The following TRPV4 variants were observed in gnomAD, a reference collection of about 807,000 sequenced individuals.
TRPV4 encodes transient receptor potential cation channel subfamily V member 4.
A neutral mutation model predicts 84.1 loss-of-function variants in TRPV4; 58 were observed. The observed-to-expected ratio is 0.69, with a 90% CI of 0.56 to 0.86. The LOEUF (loss-of-function observed/expected upper bound fraction) is 0.86. TRPV4 is among the 40% of genes least tolerant of loss of function. The pLI is 0.00. For synonymous variants in TRPV4, 489 were observed against 500.9 expected (o/e 0.98, Z 0.32); for missense variants, 879 against 1,181.1 (o/e 0.74, Z 3.75).
chr12:109,787,296 G>A (rs1448793545), intron 13 of TRPV4, among the ~76,000 whole-genome samples: 1 of 152,106 alleles, frequency 6.6e-6, no homozygotes, highest in Non-Finnish European at 1.5e-5. Context: ...TTTTGTTGTT[G>A]TTGTTGTTTT....
At chr12:109,792,257 A>C in intron 12 of TRPV4, 106 bp downstream of exon 12, 3 of 871,006 alleles carry the variant, frequency 3.4e-6, no homozygotes, top group Non-Finnish European at 5.2e-6. Flanking sequence ...AAAAAAAAAA[A>C]AAAAAAAAGA....
intron 14 of TRPV4, among the ~76,000 whole-genome samples, chr12:109,784,831 A>T (rs1249353726): frequency 1.1e-5 from 1 of 94,402 alleles, no homozygotes; most frequent in African/African-American, 4.6e-5. Context: ...ACAAAGCAAG[A>T]CTCCATCTCA....
chr12:109,794,556 G>A, intron 7 of TRPV4, 69 bp from the exon 8 acceptor site: 3 of 1,549,858 alleles, frequency 1.9e-6, no homozygotes, highest in Admixed American at 1.7e-5. Context: ...GGCTGCCTCG[G>A]GTGTGCCTTC....
intron 7 of TRPV4, 48 bp from the exon 8 acceptor site, chr12:109,794,535 G>C (rs1403798809): frequency 1.9e-6 from 3 of 1,608,630 alleles, no homozygotes; most frequent in Non-Finnish European, 2.5e-6. Flanking sequence ...GATGGGTGGG[G>C]GGTCCAGGCA....
rs115062246 is a variant in TRPV4 at position 109,807,828 on chromosome 12, G to A, written c.559+468C>T. ...CCAAGAAGTAGAATCAGGACTACCA[G>A]CCCAGACACCTGCCCATCCCTCCAG... On this transcript the variant is annotated intron_variant, in intron 3 of 15. Transcript: ENST00000261740. Among the ~76,000 whole-genome samples, 1,153 of 152,234 alleles carry A rather than the reference G, an allele frequency of 7.6e-3. 12 individuals carry two copies. The highest frequency in any genetic ancestry group is 0.027 in the African/African-American group (1,104 of 41,530).
chr12:109,794,229 G>T lies in TRPV4; in HGVS notation c.1491+100C>A, dbSNP rs59940634. The T allele has an allele frequency of 0.08, 119,496 of 1,489,918 alleles. 5,481 individuals are homozygous for T. The highest frequency in any genetic ancestry group is 0.18 in the Middle Eastern group (911 of 5,096). 92.3% of individuals were successfully genotyped at this position (1,489,918 alleles called of 1,614,324 possible). ...CAACCTGTTCCTAAACCTTCTCCGGGTCCCCCTACAGGGGACCCAGAAGGA... is the reference window on the plus strand; with the variant it reads ...CAACCTGTTCCTAAACCTTCTCCGGTTCCCCCTACAGGGGACCCAGAAGGA... On this transcript the variant is annotated intron_variant, in intron 8 of 15. Transcript: ENST00000261740.
intron 8 of TRPV4, 107 bp downstream of exon 8, chr12:109,794,219 CCTT>C: frequency 1.4e-6 from 2 of 1,455,252 alleles, no homozygotes; most frequent in South Asian, 2.3e-5. Flanking sequence ...TGTTCCTAAA[CCTT>C]CTCCGGGTCC....
rs1047264833 is a variant in TRPV4, at chr12:109,784,398, C to G, written c.2376G>C (p.Leu792Phe). Residue 792 changes from leucine (L) to phenylalanine (F), a missense_variant, in exon 15 of 16, where the codon TTG (leucine) becomes TTC (phenylalanine). Physicochemically the swap from Leu to Phe is conservative, Grantham distance 22 (BLOSUM62 0). Around this residue, in one of 4 missense-constraint regions of TRPV4, gnomAD observed 242 missense variants for 355.3 expected, o/e 0.68. Coordinates refer to ENST00000261740, the MANE Select transcript of TRPV4 (RefSeq NM_021625.5). ...EVNWSHWNQN[L>F]GIINEDPGKN... ...TGCCCGGGTCCTCGTTGATGATGCC[C>G]AAGTTCTGGTTCCAGTGAGACCAGT... 1 of 1,614,046 alleles carries G rather than the reference C, an allele frequency of 6.2e-7. No individual in the cohort carries two copies.
intron 5 of TRPV4, among the ~76,000 whole-genome samples, chr12:109,799,414 G>C (rs1890634970): frequency 6.6e-6 from 1 of 152,242 alleles, no homozygotes; most frequent in African/African-American, 2.4e-5. Flanking sequence ...CTCCCAAAGT[G>C]CTGGGATTAC....
chr12:109,826,260 G>A (rs1892248809), intron 1 of TRPV4, among the ~76,000 whole-genome samples: 1 of 152,172 alleles, frequency 6.6e-6, no homozygotes, highest in Admixed American at 6.5e-5. Context: ...CCGGGCTCAC[G>A]TGATCCACAC....
intron 14 of TRPV4, among the ~76,000 whole-genome samples, chr12:109,785,566 A>C (rs139794830): frequency 6.6e-6 from 1 of 151,768 alleles, no homozygotes; most frequent in Non-Finnish European, 1.5e-5. Context: ...TTACAGGTGC[A>C]TGCCACCACT....
At chr12:109,816,211 G>A (rs976258089) in intron 1 of TRPV4, among the ~76,000 whole-genome samples, 4 of 152,216 alleles carry the variant, frequency 2.6e-5, no homozygotes, top group South Asian at 4.1e-4. Flanking sequence ...CTTAGTGGGC[G>A]CAGCAGGACA....
chr12:109,809,485 A>G (rs1380921200), intron 2 of TRPV4, among the ~76,000 whole-genome samples: 1 of 140,208 alleles, frequency 7.1e-6, no homozygotes, highest in Non-Finnish European at 1.5e-5. Flanking sequence ...TCATCCATTC[A>G]TCTACCCATC....
intron 12 of TRPV4, among the ~76,000 whole-genome samples, chr12:109,790,878 G>A (rs1861812): frequency 0.15 from 22,504 of 152,172 alleles, 1,837 homozygotes; most frequent in South Asian, 0.23. Flanking sequence ...GAACCCTAAG[G>A]CCACCATGTG....
At chr12:109,829,282 A>G (rs896899835) in intron 1 of TRPV4, among the ~76,000 whole-genome samples, 1 of 152,206 alleles carries the variant, frequency 6.6e-6, no homozygotes, top group Middle Eastern at 3.2e-3. Flanking sequence ...CAAGGCAGGC[A>G]TTACCTTATC....
At chr12:109,816,396 A>C (rs1166677068) in intron 1 of TRPV4, among the ~76,000 whole-genome samples, 1 of 152,240 alleles carries the variant, frequency 6.6e-6, no homozygotes, top group Non-Finnish European at 1.5e-5. Context: ...CCTCCTCTGC[A>C]AAATGGGTAC....
chr12:109,812,284 G>A (rs748379160), intron 2 of TRPV4, among the ~76,000 whole-genome samples: 3 of 152,184 alleles, frequency 2.0e-5, no homozygotes, highest in Non-Finnish European at 2.9e-5. Context: ...CATGGAATGC[G>A]TCATAGGGGC....
chr12:109,792,288 T>G, intron 12 of TRPV4, 75 bp downstream of exon 12: 3 of 1,034,718 alleles, frequency 2.9e-6, no homozygotes, highest in Non-Finnish European at 4.5e-6. Flanking sequence ...GCTGCTATTG[T>G]CCCCTATACA....
At chr12:109,831,397 C>T (rs749422163) in intron 1 of TRPV4, among the ~76,000 whole-genome samples, 2 of 152,226 alleles carry the variant, frequency 1.3e-5, no homozygotes, top group African/African-American at 2.4e-5. Context: ...ATTTACTAAG[C>T]GTCGGCCATC....
Sources: allele counts gnomAD v4.1 joint callset (sites outside exome capture counted in the v4.1 genomes callset), GRCh38; gene constraint gnomAD v4.1.1; regional missense constraint gnomAD v4.1.1; transcripts MANE v1.5; gene names NCBI Gene and HGNC (gene_info 2026-07-23, HGNC 2026-07-21).